Variants in EEF2K observed in about 807,000 individuals in gnomAD.
EEF2K encodes the protein alternative protein EEF2K.
In EEF2K, 70 loss-of-function variants were observed where a neutral mutation model predicts 93.8. The ratio of observed to expected loss-of-function variants is 0.75; its 90% CI spans 0.62 to 0.91. EEF2K has a LOEUF of 0.91. Among genes scored for constraint, EEF2K ranks in the 40% least tolerant of loss-of-function variants. EEF2K has a pLI of 0.00. For missense variants in EEF2K, 935 were observed against 972.9 expected (o/e 0.96, Z 0.52); for synonymous variants, 376 against 380.8 (o/e 0.99, Z 0.15).
chr16:22,242,799 A>G (rs900157302), intron 2 of EEF2K, among the ~76,000 whole-genome samples: 1 of 152,170 alleles, frequency 6.6e-6, no homozygotes, highest in African/African-American at 2.4e-5. Flanking sequence ...TCGTTTCATA[A>G]TTATCTGAGG....
intron 1 of EEF2K, among the ~76,000 whole-genome samples, chr16:22,219,329 C>A (rs573248340): frequency 1.1e-4 from 16 of 152,320 alleles, no homozygotes; most frequent in Non-Finnish European, 2.1e-4. Context: ...ACCCATTTGT[C>A]ATAAAGGTTG....
At chr16:22,271,295 C>T (rs2047579383) in intron 15 of EEF2K, among the ~76,000 whole-genome samples, 1 of 151,980 alleles carries the variant, frequency 6.6e-6, no homozygotes, top group African/African-American at 2.4e-5. Context: ...TATGCTCATT[C>T]AGCCAGTGGT....
intron 2 of EEF2K, among the ~76,000 whole-genome samples, chr16:22,237,542 G>A (rs1261536227): frequency 6.6e-6 from 1 of 151,750 alleles, no homozygotes; most frequent in Non-Finnish European, 1.5e-5. Flanking sequence ...GGAGGTTGAG[G>A]TGGAGGTTGA....
At chr16:22,280,442 T>C (rs867958138) in intron 17 of EEF2K, 66 bp downstream of exon 17, 70 of 1,352,972 alleles carry the variant, frequency 5.2e-5, no homozygotes, top group South Asian at 2.5e-4. Flanking sequence ...TAATTTCCAT[T>C]CCACTGGGAG....
chr16:22,240,913 G>A (rs568420503), intron 2 of EEF2K, among the ~76,000 whole-genome samples: 1 of 152,162 alleles, frequency 6.6e-6, no homozygotes, highest in South Asian at 2.1e-4. Context: ...GGGATTACAG[G>A]CTCGTGCCAC....
At chr16:22,259,140 T>C (rs1242233755) in intron 10 of EEF2K, among the ~76,000 whole-genome samples, 1 of 152,160 alleles carries the variant, frequency 6.6e-6, no homozygotes, top group Non-Finnish European at 1.5e-5. Flanking sequence ...AGAAAAGCTA[T>C]GAATGTGATA....
intron 1 of EEF2K, among the ~76,000 whole-genome samples, chr16:22,211,195 T>C (rs1324927316): frequency 6.6e-6 from 1 of 152,180 alleles, no homozygotes; most frequent in African/African-American, 2.4e-5. Flanking sequence ...CTCCACTCTG[T>C]TGAGTAGATG....
chr16:22,234,899 T>TAA (rs1567268322), intron 2 of EEF2K, among the ~76,000 whole-genome samples: 1 of 145,412 alleles, frequency 6.9e-6, no homozygotes, highest in Non-Finnish European at 1.5e-5. Context: ...TTTTTTTTTT[T>TAA]AGGGGCGGTT....
chr16:22,216,739 T>A (rs1044470008), intron 1 of EEF2K, among the ~76,000 whole-genome samples: 3 of 151,298 alleles, frequency 2.0e-5, no homozygotes, highest in Non-Finnish European at 2.9e-5. Flanking sequence ...AATAAATAAA[T>A]AAAGGAACCA....
At chr16:22,215,657 A>G (rs4783362) in intron 1 of EEF2K, among the ~76,000 whole-genome samples, 64,760 of 151,966 alleles carry the variant, frequency 0.43, 15,716 homozygotes, top group East Asian at 0.88. Context: ...AGACACGGTG[A>G]CTCACACCTA....
intron 15 of EEF2K, among the ~76,000 whole-genome samples, chr16:22,270,139 A>T (rs117531580): frequency 3.4e-5 from 5 of 148,260 alleles, no homozygotes; most frequent in Admixed American, 3.4e-4. Flanking sequence ...TTTTTTTGAG[A>T]TGAAGTCTTG....
At chr16:22,206,983 C>T (rs991645501) in intron 1 of EEF2K, among the ~76,000 whole-genome samples, 2 of 152,126 alleles carry the variant, frequency 1.3e-5, no homozygotes, top group Non-Finnish European at 2.9e-5. Flanking sequence ...GGGGCCTCCC[C>T]CCTCGGGGCC....
At chr16:22,257,150 T>A in intron 7 of EEF2K, 103 bp from the exon 8 acceptor site, 1 of 1,568,316 alleles carries the variant, frequency 6.4e-7, no homozygotes, top group Non-Finnish European at 8.7e-7. Flanking sequence ...TCTATATAAC[T>A]CCTTGAAGAG....
At chr16:22,262,001 C>CCA (rs71151667) in intron 11 of EEF2K, among the ~76,000 whole-genome samples, 18,774 of 137,904 alleles carry the variant, frequency 0.14, 1,203 homozygotes, top group Middle Eastern at 0.19. Context: ...TGAGACCCTG[C>CCA]CACACACACA....
intron 2 of EEF2K, among the ~76,000 whole-genome samples, chr16:22,239,843 G>T (rs2047203026): frequency 6.6e-6 from 1 of 152,044 alleles, no homozygotes; most frequent in Non-Finnish European, 1.5e-5. Context: ...CCAGGCTCAT[G>T]CCTGTAATCC....
intron 1 of EEF2K, among the ~76,000 whole-genome samples, chr16:22,224,803 A>C (rs1226108799): frequency 6.6e-6 from 1 of 152,062 alleles, no homozygotes; most frequent in Non-Finnish European, 1.5e-5. Context: ...AAATGCAAAA[A>C]TTAGCTAGTT....
intron 12 of EEF2K, 176 bp downstream of exon 12, chr16:22,263,363 C>G: frequency 2.6e-6 from 1 of 383,346 alleles, no homozygotes; most frequent in Non-Finnish European, 4.5e-6. Context: ...AATCCCAGCA[C>G]TTTGGGAGGC....
At chr16:22,218,277 T>C (rs2046977547) in intron 1 of EEF2K, among the ~76,000 whole-genome samples, 1 of 152,236 alleles carries the variant, frequency 6.6e-6, no homozygotes, top group Admixed American at 6.5e-5. Flanking sequence ...ATCACCTGTG[T>C]CCACTGTGGT....
intron 12 of EEF2K, 142 bp downstream of exon 12, chr16:22,263,329 C>A: frequency 1.4e-6 from 1 of 710,518 alleles, no homozygotes; most frequent in Non-Finnish European, 2.1e-6. Flanking sequence ...GTATTTCAGG[C>A]CGGTCATGGT....
Sources: allele counts gnomAD v4.1 joint callset (sites outside exome capture counted in the v4.1 genomes callset), GRCh38; gene constraint gnomAD v4.1.1; transcripts MANE v1.5; gene names NCBI Gene and HGNC (gene_info 2026-07-23, HGNC 2026-07-21).